The following CCR4 variants were observed in gnomAD, a reference collection of about 807,000 sequenced individuals.
CCR4 encodes C-C motif chemokine receptor 4, also known as C-C chemokine receptor type 4.
CCR4 carries 9 observed loss-of-function variants against 17.1 expected under a neutral mutation model. The observed-to-expected ratio is 0.53, with a 90% CI of 0.32 to 0.92. The LOEUF (loss-of-function observed/expected upper bound fraction) is 0.92. CCR4 is among the 40% of genes least tolerant of loss of function. The pLI is 0.04. For synonymous variants in CCR4, 217 were observed against 174.3 expected, an observed-to-expected ratio of 1.24 and a Z score of -1.93; for missense variants, 385 against 433.9, an observed-to-expected ratio of 0.89 and a Z score of 1.00.
intron 1 of CCR4, among the ~76,000 whole-genome samples, chr3:32,952,973 T>C (rs902602521): frequency 6.6e-6 from 1 of 152,174 alleles, no homozygotes; most frequent in Non-Finnish European, 1.5e-5. Flanking sequence ...TCATATAAAA[T>C]ACACCCAATT....
At chr3:32,952,355 A>G (rs1257147666) in intron 1 of CCR4, among the ~76,000 whole-genome samples, 1 of 151,984 alleles carries the variant, frequency 6.6e-6, no homozygotes, top group Non-Finnish European at 1.5e-5. Flanking sequence ...CCTGGGCTCA[A>G]GGGATCCTCC....
rs561020992 is a variant in CCR4 at position 32,954,596 on chromosome 3, T to G, written c.*91T>G. 2 of 1,351,694 alleles carry G rather than the reference T, an allele frequency of 1.5e-6. No homozygotes were observed. The highest frequency in any genetic ancestry group is 3.5e-5 in the South Asian group (2 of 57,870). The allele number at this position is 1,351,694 out of a possible 1,614,324, so 83.7% of individuals were successfully genotyped here. A position where few individuals can be genotyped will look rare whatever the true frequency, so the allele number is the denominator to read the frequency against. The stretch of plus-strand genomic sequence containing the variant: ...TTTTAGTAAGAGATTCCTGAGCCAG[T>G]GTCAGGAGGAAGGCTTACACCCACA... On this transcript the variant is annotated 3_prime_UTR_variant, in exon 2 of 2. Transcript: ENST00000330953.
In CCR4 at chr3:32,954,099, T is replaced by C; in HGVS notation, c.677T>C (p.Ile226Thr). Residue 226 changes from isoleucine to threonine, a missense_variant, in exon 2 of 2, where the codon ATC becomes ACC. Transcript: ENST00000330953. ...ATGCTGTTTTGCTACTCCATGATCA[T>C]CAGGACCTTGCAGCATTGTAAAAAT... ...GIMLFCYSMIIRTLQHCKNEK... is the reference protein window; with the variant it reads ...GIMLFCYSMITRTLQHCKNEK... 6.2e-7 allele frequency: 1 copy of C among 1,614,144 alleles called. No homozygotes were observed. The highest frequency in any genetic ancestry group is 8.5e-7 in the Non-Finnish European group (1 of 1,180,010).
Position 32,954,136 on chromosome 3 carries a change from C to T in CCR4, c.714C>T (p.Asn238=), listed in dbSNP as rs1697726124. The part of the protein sequence containing the change: ...TLQHCKNEKK[N]KAVKMIFAVV... ...AGCATTGTAAAAATGAGAAGAAGAA[C>T]AAGGCGGTGAAGATGATCTTTGCCG... The change falls in exon 2 of 2, where the codon AAC becomes AAT. Residue 238 remains asparagine (N), a synonymous_variant. Transcript: ENST00000330953. The T allele has an allele frequency of 6.2e-7, 1 of 1,614,046 alleles. No individual in the cohort carries two copies. The highest frequency in any genetic ancestry group is 8.5e-7 in the Non-Finnish European group (1 of 1,180,034).
chr3:32,954,566 T>C lies in CCR4; in HGVS notation c.*61T>C. The C allele has an allele frequency of 6.8e-7, 1 of 1,463,940 alleles. No homozygotes were observed. The highest frequency in any genetic ancestry group is 9.0e-7 in the Non-Finnish European group (1 of 1,105,260). The allele number at this position is 1,463,940 out of a possible 1,614,324, so 90.7% of individuals were successfully genotyped here. On this transcript the variant is annotated 3_prime_UTR_variant, in exon 2 of 2. Coordinates refer to ENST00000330953, the MANE Select transcript of CCR4 (RefSeq NM_005508.5). ...TTCCACATTCAGAGCTTACTTAAAA[T>C]TGTATTTTAGTAAGAGATTCCTGAG...
rs747308810 is a variant in CCR4, at chr3:32,953,777, G to C, written c.355G>C (p.Val119Leu). 1 of 1,614,052 alleles carries C rather than the reference G, an allele frequency of 6.2e-7. No individual in the cohort carries two copies. Among genetic ancestry groups the C allele is most frequent in the Non-Finnish European group, 8.5e-7 (1 of 1,180,030 alleles). ...LCKMISWMYL[V>L]GFYSGIFFVM... Reference sequence around the variant, plus strand: ...CAAGATGATTTCCTGGATGTACTTGGTGGGCTTTTACAGTGGCATATTCTT... The same window carrying C: ...CAAGATGATTTCCTGGATGTACTTGCTGGGCTTTTACAGTGGCATATTCTT... The change falls in exon 2 of 2, where the codon GTG (valine) becomes CTG (leucine). Residue 119 changes from valine (V) to leucine (L), a missense_variant. Transcript: ENST00000330953.
Position 32,954,090 on chromosome 3 carries a change from C to G in CCR4, c.668C>G (p.Ser223Cys). Residue 223 changes from serine to cysteine, a missense_variant, in exon 2 of 2, where the codon TCC becomes TGC. Transcript: ENST00000330953. ...TTAGGGATCATGCTGTTTTGCTACT[C>G]CATGATCATCAGGACCTTGCAGCAT... ...IPLGIMLFCY[S>C]MIIRTLQHCK... is the part of the protein sequence containing the mutation. 1 of 1,614,062 alleles carries G rather than the reference C, an allele frequency of 6.2e-7. No homozygotes were observed. Among genetic ancestry groups the G allele is most frequent in the Non-Finnish European group, 8.5e-7 (1 of 1,179,946 alleles).
chr3:32,952,148 A>G (rs1697683049), intron 1 of CCR4, among the ~76,000 whole-genome samples: 1 of 152,232 alleles, frequency 6.6e-6, no homozygotes, highest in Non-Finnish European at 1.5e-5. Context: ...TTAGTCATTC[A>G]ACAAACTTTT....
chr3:32,954,247 C>A lies in CCR4; in HGVS notation c.825C>A (p.Asp275Glu). ...TGGTGGAGCTAGAAGTCCTTCAGGACTGCACCTTTGAAAGATACTTGGACT... is the reference window on the plus strand; with the variant it reads ...TGGTGGAGCTAGAAGTCCTTCAGGAATGCACCTTTGAAAGATACTTGGACT... ...ETLVELEVLQ[D>E]CTFERYLDYA... is the part of the protein sequence containing the mutation. Residue 275 changes from aspartate to glutamate, a missense_variant, in exon 2 of 2, where the codon GAC becomes GAA. By Grantham distance (45) the Asp-to-Glu change is conservative. Transcript: ENST00000330953. The A allele has an allele frequency of 6.2e-7, 1 of 1,614,036 alleles. No individual in the cohort carries two copies. Among genetic ancestry groups the A allele is most frequent in the Non-Finnish European group, 8.5e-7 (1 of 1,179,972 alleles).
rs1292999925 is a variant in CCR4, at chr3:32,953,914, G to A, written c.492G>A (p.Val164=). ...GVITSLATWS[V]AVFASLPGFL... Reference sequence around the variant, plus strand: ...TCACCAGTTTGGCTACATGGTCAGTGGCTGTGTTCGCCTCCCTTCCTGGCT... The same window carrying A: ...TCACCAGTTTGGCTACATGGTCAGTAGCTGTGTTCGCCTCCCTTCCTGGCT... The change falls in exon 2 of 2, where the codon GTG becomes GTA. Residue 164 remains valine (V), a synonymous_variant. Transcript: ENST00000330953. The A allele has an allele frequency of 6.2e-7, 1 of 1,613,960 alleles. No homozygotes were observed. The highest frequency in any genetic ancestry group is 1.3e-5 in the African/African-American group (1 of 74,888).
Position 32,954,639 on chromosome 3 carries a change from C to T in CCR4, c.*134C>T. 1 of 1,002,882 alleles carries T rather than the reference C, an allele frequency of 1.0e-6. No individual in the cohort carries two copies. The highest frequency in any genetic ancestry group is 1.4e-6 in the Non-Finnish European group (1 of 719,974). 62.1% of individuals were successfully genotyped at this position (1,002,882 alleles called of 1,614,324 possible). ...CACCCACAGTGGAAAGACAGCTTCT[C>T]ATCCTGCAGGCAGCTTTTTCTCTCC... On this transcript the variant is annotated 3_prime_UTR_variant, in exon 2 of 2. Coordinates refer to ENST00000330953, the MANE Select transcript of CCR4 (RefSeq NM_005508.5).
intron 1 of CCR4, 77 bp from the exon 2 acceptor site, chr3:32,953,295 A>C: frequency 9.1e-7 from 1 of 1,100,746 alleles, no homozygotes; most frequent in Non-Finnish European, 1.3e-6. Context: ...AACAGTACGC[A>C]GCCATGCTCT....
In CCR4 at chr3:32,954,708, C is replaced by T. The variant is rs532149106; in HGVS notation, c.*203C>T. On this transcript the variant is annotated 3_prime_UTR_variant, in exon 2 of 2. Coordinates refer to ENST00000330953, the MANE Select transcript of CCR4 (RefSeq NM_005508.5). ...TGGCAAGGGTTCACCTGGGCTGAGG[C>T]ATCCTTCCTCACACCAGGCTTGCCT... 348 of 525,334 alleles carry T rather than the reference C, an allele frequency of 6.6e-4. 1 individual carries two copies. Among genetic ancestry groups the T allele is most frequent in the Middle Eastern group, 2.6e-3 (5 of 1,948 alleles). The allele number at this position is 525,334 out of a possible 1,614,324, so 32.5% of individuals were successfully genotyped here. A position where few individuals can be genotyped will look rare whatever the true frequency, so the allele number is the denominator to read the frequency against.
chr3:32,953,416 T>C lies in CCR4; in HGVS notation c.-7T>C, dbSNP rs768266466. ...GACCTGCCTTGAGGAGCCTGTAGAGTTAAAAAATGAACCCCACGGATATAG... is the reference window on the plus strand; with the variant it reads ...GACCTGCCTTGAGGAGCCTGTAGAGCTAAAAAATGAACCCCACGGATATAG... On this transcript the variant is annotated 5_prime_UTR_variant, in exon 2 of 2. Transcript: ENST00000330953. 17 of 1,590,892 alleles carry C rather than the reference T, an allele frequency of 1.1e-5. No individual in the cohort carries two copies. Among genetic ancestry groups the C allele is most frequent in the Non-Finnish European group, 1.3e-5 (15 of 1,169,716 alleles).
In CCR4 at chr3:32,954,276, C is replaced by T; in HGVS notation, c.854C>T (p.Ala285Val). 1 of 1,613,912 alleles carries T rather than the reference C, an allele frequency of 6.2e-7. No individual in the cohort carries two copies. The highest frequency in any genetic ancestry group is 8.5e-7 in the Non-Finnish European group (1 of 1,179,934). The stretch of plus-strand genomic sequence containing the variant: ...ACCTTTGAAAGATACTTGGACTATG[C>T]CATCCAGGCCACAGAAACTCTGGCT... Reference protein sequence around the residue: ...DCTFERYLDYAIQATETLAFV... With the variant: ...DCTFERYLDYVIQATETLAFV... The change falls in exon 2 of 2, where the codon GCC becomes GTC. Residue 285 changes from alanine (A) to valine (V), a missense_variant. Ala to Val is a moderately conservative substitution (Grantham distance 64). Transcript: ENST00000330953.
At position 32,953,552 on chromosome 3, in the gene CCR4, C is replaced by T. The variant is rs774575018; in HGVS notation, c.130C>T (p.Pro44Ser). ...IKAFGELFLP[P>S]LYSLVFVFGL... ...GGCATTTGGGGAGCTCTTCCTGCCC[C>T]CACTGTATTCCTTGGTTTTTGTATT... Residue 44 changes from proline to serine, a missense_variant, in exon 2 of 2, where the codon CCA (proline) becomes TCA (serine). Physicochemically the swap from Pro to Ser is moderately conservative, Grantham distance 74 (BLOSUM62 -1). Coordinates refer to ENST00000330953, the MANE Select transcript of CCR4 (RefSeq NM_005508.5). The T allele has an allele frequency of 7.1e-5, 115 of 1,614,016 alleles. No individual in the cohort carries two copies. The highest frequency in any genetic ancestry group is 2.0e-4 in the Admixed American group (12 of 59,990).
chr3:32,953,998 TCTCAA>T lies in CCR4; in HGVS notation c.580_584del (p.Asn194HisfsTer38). 6.2e-7 allele frequency: 1 copy of T among 1,614,134 alleles called. No individual in the cohort carries two copies. The highest frequency in any genetic ancestry group is 8.5e-7 in the Non-Finnish European group (1 of 1,180,022). ...ATACCTACTGCAAAACCAAGTACTCTCTCAACTCCACGACGTGGAAGGTTCTCAGC... is the reference window on the plus strand; with the variant it reads ...ATACCTACTGCAAAACCAAGTACTCTCTCCACGACGTGGAAGGTTCTCAGC... On this transcript the variant is annotated frameshift_variant, in exon 2 of 2. Transcript: ENST00000330953. LOFTEE classifies it high-confidence loss of function.
At position 32,954,012 on chromosome 3, in the gene CCR4, C is replaced by A; in HGVS notation, c.590C>A (p.Thr197Lys). The A allele has an allele frequency of 6.2e-7, 1 of 1,614,128 alleles. No homozygotes were observed. Among genetic ancestry groups the A allele is most frequent in the South Asian group, 1.1e-5 (1 of 91,076 alleles). Residue 197 changes from threonine (T) to lysine (K), a missense_variant, in exon 2 of 2, where the codon ACG (threonine) becomes AAG (lysine). Physicochemically the swap from Thr to Lys is moderately conservative, Grantham distance 78. Coordinates refer to ENST00000330953, the MANE Select transcript of CCR4 (RefSeq NM_005508.5). ...CKTKYSLNST[T>K]WKVLSSLEIN... is the part of the protein sequence containing the mutation. The stretch of plus-strand genomic sequence containing the variant: ...ACCAAGTACTCTCTCAACTCCACGA[C>A]GTGGAAGGTTCTCAGCTCCCTGGAA...
rs529277420 is a variant in CCR4 at position 32,954,811 on chromosome 3, A to T, written c.*306A>T. 2 of 287,256 alleles carry T rather than the reference A, an allele frequency of 7.0e-6. No individual in the cohort carries two copies. The highest frequency in any genetic ancestry group is 2.2e-5 in the African/African-American group (1 of 45,452). The allele number at this position is 287,256 out of a possible 1,614,324, so 17.8% of individuals were successfully genotyped here. On this transcript the variant is annotated 3_prime_UTR_variant, in exon 2 of 2. Transcript: ENST00000330953. ...TAGGTAATATTGCAAGGCAAAGACT[A>T]TTCCCTTCTAACCTGAACTGATGGG...
Sources: gnomAD v4.1 joint callset for allele counts (sites outside exome capture counted in the v4.1 genomes callset) on GRCh38, gnomAD v4.1.1 for gene constraint, MANE v1.5 for transcripts, NCBI Gene and HGNC (gene_info 2026-07-23, HGNC 2026-07-21) for gene names.